The following SLC41A2 variants were observed in gnomAD, a reference collection of about 807,000 sequenced individuals.
SLC41A2 encodes the protein solute carrier family 41 member 2.
A neutral mutation model predicts 58.3 loss-of-function variants in SLC41A2; 32 were observed. That is an observed-to-expected ratio of 0.55 (90% CI 0.41 to 0.74). The LOEUF (loss-of-function observed/expected upper bound fraction) is 0.74. Ranked by LOEUF, SLC41A2 falls within the 30% of genes least tolerant of loss-of-function variation. SLC41A2 has a pLI of 0.00. For synonymous variants in SLC41A2, 190 were observed against 235.0 expected (o/e 0.81, Z 1.75); for missense variants, 514 against 680.6 (o/e 0.76, Z 2.72).
At chr12:104,864,080 G>C (rs1285616298) in intron 7 of SLC41A2, among the ~76,000 whole-genome samples, 4 of 151,400 alleles carry the variant, frequency 2.6e-5, no homozygotes, top group African/African-American at 9.7e-5. Flanking sequence ...ATACCCCCTT[G>C]GATCCTGGTC....
chr12:104,901,194 CT>C (rs550346071), intron 3 of SLC41A2, among the ~76,000 whole-genome samples: 9 of 147,236 alleles, frequency 6.1e-5, no homozygotes, highest in African/African-American at 5.0e-5. Flanking sequence ...GTTTTACAAA[CT>C]TTTTTTTTTT....
At chr12:104,864,308 A>C (rs2135517390) in intron 7 of SLC41A2, among the ~76,000 whole-genome samples, 1 of 152,236 alleles carries the variant, frequency 6.6e-6, no homozygotes, top group South Asian at 2.1e-4. Flanking sequence ...ATTCCATGAG[A>C]TCCTGCCTGT....
At chr12:104,833,907 GA>G in intron 10 of SLC41A2, 1 of 540,892 alleles carries the variant, frequency 1.8e-6, no homozygotes, top group Non-Finnish European at 2.4e-6. Flanking sequence ...TCAGTTATAA[GA>G]TTTTTTTTGT....
intron 1 of SLC41A2, among the ~76,000 whole-genome samples, chr12:104,948,964 T>A (rs1029960769): frequency 1.3e-5 from 2 of 152,136 alleles, no homozygotes; most frequent in African/African-American, 2.4e-5. Context: ...ATGCCTGTAA[T>A]CAGCACTTTG....
chr12:104,862,121 C>T (rs1332203503), intron 7 of SLC41A2, among the ~76,000 whole-genome samples: 1 of 152,186 alleles, frequency 6.6e-6, no homozygotes, highest in Non-Finnish European at 1.5e-5. Context: ...GTGCCCAAAT[C>T]TTCCAGGAAA....
chr12:104,882,715 T>A (rs1239631817), intron 6 of SLC41A2, among the ~76,000 whole-genome samples: 1 of 152,246 alleles, frequency 6.6e-6, no homozygotes, highest in Non-Finnish European at 1.5e-5. Flanking sequence ...CTTCCCTTTG[T>A]GGGTAACCCA....
intron 8 of SLC41A2, among the ~76,000 whole-genome samples, chr12:104,856,439 A>G (rs2043022088): frequency 6.6e-6 from 1 of 152,194 alleles, no homozygotes. Flanking sequence ...GAAGAAAAAT[A>G]CTATAATGAG....
intron 10 of SLC41A2, among the ~76,000 whole-genome samples, chr12:104,828,553 T>C (rs1307752165): frequency 6.6e-6 from 1 of 152,152 alleles, no homozygotes; most frequent in Non-Finnish European, 1.5e-5. Context: ...TAGACACTGC[T>C]GTGGGTTTGG....
chr12:104,884,595 G>C (rs1593069234), intron 6 of SLC41A2, among the ~76,000 whole-genome samples: 1 of 152,196 alleles, frequency 6.6e-6, no homozygotes, highest in East Asian at 1.9e-4. Context: ...TCCTTTTAAT[G>C]ATATTGAGAC....
chr12:104,847,641 ATC>A (rs2042654254), intron 8 of SLC41A2, among the ~76,000 whole-genome samples: 1 of 151,196 alleles, frequency 6.6e-6, no homozygotes, highest in Non-Finnish European at 1.5e-5. Flanking sequence ...CTCAAAATAC[ATC>A]AAGAAGCAAA....
At chr12:104,908,271 T>G (rs1435872564) in intron 3 of SLC41A2, among the ~76,000 whole-genome samples, 1 of 152,078 alleles carries the variant, frequency 6.6e-6, no homozygotes, top group African/African-American at 2.4e-5. Flanking sequence ...TCAAAAAAAA[T>G]AAAAAATTAA....
intron 10 of SLC41A2, among the ~76,000 whole-genome samples, chr12:104,813,633 GTTTT>G (rs1308933640): frequency 6.6e-6 from 1 of 151,960 alleles, no homozygotes; most frequent in Non-Finnish European, 1.5e-5. Context: ...ATACAAATGG[GTTTT>G]TTGTTTTGTT....
intron 3 of SLC41A2, among the ~76,000 whole-genome samples, chr12:104,908,271 T>A (rs1435872564): frequency 1.3e-5 from 2 of 152,078 alleles, no homozygotes; most frequent in African/African-American, 2.4e-5. Flanking sequence ...TCAAAAAAAA[T>A]AAAAAATTAA....
At chr12:104,871,277 T>C (rs997644986) in intron 6 of SLC41A2, among the ~76,000 whole-genome samples, 1 of 152,236 alleles carries the variant, frequency 6.6e-6, no homozygotes, top group Non-Finnish European at 1.5e-5. Context: ...GTTATAAATA[T>C]GTGAAAAAGA....
chr12:104,923,284 T>C (rs75020323), intron 2 of SLC41A2, among the ~76,000 whole-genome samples: 2 of 142,668 alleles, frequency 1.4e-5, no homozygotes, highest in Non-Finnish European at 3.0e-5. Context: ...ATGGTGTGAA[T>C]CCAGGAGGCG....
intron 2 of SLC41A2, among the ~76,000 whole-genome samples, chr12:104,915,674 T>G (rs564636106): frequency 1.0e-3 from 152 of 152,258 alleles, no homozygotes; most frequent in African/African-American, 3.4e-3. Context: ...TTTGGGCTGA[T>G]ATAATGGGGT....
At chr12:104,941,457 C>T (rs893968195) in intron 1 of SLC41A2, among the ~76,000 whole-genome samples, 11 of 152,128 alleles carry the variant, frequency 7.2e-5, no homozygotes, top group Admixed American at 3.3e-4. Flanking sequence ...CCCAGAGCCA[C>T]GGATTTTGTT....
intron 10 of SLC41A2, among the ~76,000 whole-genome samples, chr12:104,833,574 A>G (rs1450138329): frequency 1.3e-5 from 2 of 152,146 alleles, no homozygotes; most frequent in Admixed American, 6.5e-5. Context: ...ATACCCTTTA[A>G]GCTTCCCTTT....
intron 6 of SLC41A2, among the ~76,000 whole-genome samples, chr12:104,886,032 A>G (rs911548105): frequency 1.3e-5 from 2 of 152,120 alleles, no homozygotes; most frequent in African/African-American, 2.4e-5. Context: ...GGTAACATAC[A>G]TAACTTCTAT....
Sources: gnomAD v4.1 joint callset for allele counts (sites outside exome capture counted in the v4.1 genomes callset) on GRCh38, gnomAD v4.1.1 for gene constraint, MANE v1.5 for transcripts, NCBI Gene and HGNC (gene_info 2026-07-23, HGNC 2026-07-21) for gene names.